The following GUF1 variants were observed in gnomAD, a reference collection of about 807,000 sequenced individuals.
GUF1 encodes translation factor GUF1, mitochondrial.
GUF1 carries 78 observed loss-of-function variants against 82.4 expected under a neutral mutation model. The observed-to-expected ratio is 0.95, with a 90% CI of 0.79 to 1.14. GUF1 has a LOEUF of 1.14. Ranked by LOEUF, GUF1 falls within the 50% of genes most tolerant of loss-of-function variation. The pLI is 0.00. For synonymous variants in GUF1, 279 were observed against 282.3 expected (o/e 0.99, Z 0.12); for missense variants, 814 against 798.2 (o/e 1.02, Z -0.24).
In GUF1 at chr4:44,680,526, T is replaced by C. The variant is rs767954729; in HGVS notation, c.251T>C (p.Leu84Ser). The C allele has an allele frequency of 6.2e-7, 1 of 1,607,998 alleles. No homozygotes were observed. Among genetic ancestry groups the C allele is most frequent in the Admixed American group, 1.7e-5 (1 of 59,720 alleles). Residue 84 changes from leucine (L) to serine (S), a missense_variant, in exon 2 of 17, where the codon TTA (leucine) becomes TCA (serine). Physicochemically the swap from Leu to Ser is moderately radical, Grantham distance 145. Transcript: ENST00000281543. ...VAHVDHGKST[L>S]ADRLLELTGT... ...CACGTGGATCATGGCAAAAGTACTT[T>C]AGCTGACAGGCTCCTAGAACTTACA... is the stretch of plus-strand genomic sequence containing the variant.
rs1402691629 is a variant in GUF1 at position 44,689,397 on chromosome 4, G to T, written c.1190G>T (p.Gly397Val). ...CATCGGGATAGTAGCCTTGCTCTGG[G>T]TGCTGGCTGGAGGTAAGATTCATTC... Reference protein sequence around the residue: ...TVHRDSSLALGAGWRLGFLGL... With the variant: ...TVHRDSSLALVAGWRLGFLGL... Residue 397 changes from glycine (G) to valine (V), a missense_variant, in exon 10 of 17, where the codon GGT becomes GTT. Transcript: ENST00000281543. The T allele has an allele frequency of 6.2e-7, 1 of 1,604,196 alleles. No individual in the cohort carries two copies. Among genetic ancestry groups the T allele is most frequent in the Admixed American group, 1.7e-5 (1 of 58,990 alleles).
chr4:44,695,487 AT>A (rs1438655896), intron 14 of GUF1, 127 bp from the exon 15 acceptor site: 1 of 560,980 alleles, frequency 1.8e-6, no homozygotes, highest in African/African-American at 2.0e-5. Flanking sequence ...AGTAAGAGAG[AT>A]TTATAAGTAA....
chr4:44,680,643 TC>T, intron 2 of GUF1, 50 bp from the exon 3 acceptor site: 1 of 1,437,046 alleles, frequency 7.0e-7, no homozygotes, highest in Non-Finnish European at 9.3e-7. Flanking sequence ...AGTAATATTC[TC>T]TTTTTTTTTT....
intron 12 of GUF1, 79 bp downstream of exon 12, chr4:44,690,939 A>C (rs974583435): frequency 1.9e-6 from 2 of 1,056,784 alleles, no homozygotes; most frequent in Admixed American, 2.5e-5. Context: ...GTTTTAAAAG[A>C]TTTCTTTCTG....
In GUF1 at chr4:44,680,796, A is replaced by AC; in HGVS notation, c.381dup (p.Asn128GlnfsTer3). On this transcript the variant is annotated frameshift_variant, in exon 3 of 17. Coordinates refer to ENST00000281543, the MANE Select transcript of GUF1 (RefSeq NM_021927.3). LOFTEE classifies it high-confidence loss of function. ...AAAGCACAGACAGCATCTCTCTTTT[A>AC]CAATTGTGAAGGAAAGCAGTACCTT... is the stretch of plus-strand genomic sequence containing the variant. The AC allele has an allele frequency of 6.2e-7, 1 of 1,612,522 alleles. No individual in the cohort carries two copies. The highest frequency in any genetic ancestry group is 1.7e-4 in the Middle Eastern group (1 of 6,056).
chr4:44,681,161 T>C lies in GUF1; in HGVS notation c.465T>C (p.Leu155=). The C allele has an allele frequency of 6.2e-7, 1 of 1,613,260 alleles. No individual in the cohort carries two copies. The highest frequency in any genetic ancestry group is 1.7e-4 in the Middle Eastern group (1 of 6,056). ...TTAGTTATGAAGTATCCAGGTCACT[T>C]TCTGCTTGCCAGGGTGTTTTACTTG... ...VDFSYEVSRS[L]SACQGVLLVV... is the part of the protein sequence containing the mutation. The change falls in exon 4 of 17, where the codon CTT becomes CTC. Residue 155 remains leucine (L), a synonymous_variant. Coordinates refer to ENST00000281543, the MANE Select transcript of GUF1 (RefSeq NM_021927.3).
chr4:44,690,433 C>T (rs1479494179), intron 11 of GUF1, among the ~76,000 whole-genome samples: 1 of 151,642 alleles, frequency 6.6e-6, no homozygotes, highest in Non-Finnish European at 1.5e-5. Flanking sequence ...TCATTTTAAA[C>T]AAATACTAAT....
rs775781789 is a variant in GUF1, at chr4:44,690,703, T to C, written c.1336-14T>C. 6.8e-7 allele frequency: 1 copy of C among 1,468,002 alleles called. No individual in the cohort carries two copies. The highest frequency in any genetic ancestry group is 1.3e-5 in the South Asian group (1 of 79,498). The allele number at this position is 1,468,002 out of a possible 1,614,324, so 90.9% of individuals were successfully genotyped here. A position where few individuals can be genotyped will look rare whatever the true frequency, so the allele number is the denominator to read the frequency against. On this transcript the variant is annotated splice_polypyrimidine_tract_variant and intron_variant, in intron 11 of 16. Coordinates refer to ENST00000281543, the MANE Select transcript of GUF1 (RefSeq NM_021927.3). ...ATTAAGATTTTAAGTATTGCTGATT[T>C]TTCTAATTTTTAGGAACATAGAGAA...
chr4:44,693,036 AAT>A (rs1475267605), intron 13 of GUF1, among the ~76,000 whole-genome samples: 1 of 152,034 alleles, frequency 6.6e-6, no homozygotes, highest in Non-Finnish European at 1.5e-5. Flanking sequence ...ACTACATAAA[AAT>A]AAAATATTCC....
rs925229609 is a variant in GUF1, at chr4:44,695,857, G to T, written c.1835+123G>T. 8 of 923,124 alleles carry T rather than the reference G, an allele frequency of 8.7e-6. No homozygotes were observed. In the African/African-American group the frequency reaches 1.2e-4, roughly 14 times the overall value. The allele number at this position is 923,124 out of a possible 1,614,324, so 57.2% of individuals were successfully genotyped here. On this transcript the variant is annotated intron_variant, in intron 15 of 16. Coordinates refer to ENST00000281543, the MANE Select transcript of GUF1 (RefSeq NM_021927.3). ...GCTTTCTTACTTGTAGAAACAGTAT[G>T]ATGGTGCTCTCCAGTTTTCTGATTT...
intron 15 of GUF1, among the ~76,000 whole-genome samples, chr4:44,696,012 C>T (rs1289757737): frequency 2.0e-5 from 3 of 152,064 alleles, no homozygotes; most frequent in Non-Finnish European, 4.4e-5. Flanking sequence ...ACTGAATTTC[C>T]TGGGTAAGGA....
intron 16 of GUF1, among the ~76,000 whole-genome samples, chr4:44,698,100 C>G (rs1430043763): frequency 6.6e-6 from 1 of 152,036 alleles, no homozygotes; most frequent in African/African-American, 2.4e-5. Flanking sequence ...GAGCAGAGAT[C>G]CTGCCATTGT....
At position 44,678,503 on chromosome 4, in the gene GUF1, C is replaced by T. The variant is rs112313750; in HGVS notation, c.-120C>T. On this transcript the variant is annotated 5_prime_UTR_variant, in exon 1 of 17. Transcript: ENST00000281543. ...AGCTCCCCGGGGTTCATTGTCTTCG[C>T]TTCACAGGATCTGTTTGAGTCCTGT... 3.0e-5 allele frequency: 24 copies of T among 806,442 alleles called. No homozygotes were observed. The highest frequency in any genetic ancestry group is 4.2e-5 in the Non-Finnish European group (24 of 571,520). 50.0% of individuals were successfully genotyped at this position (806,442 alleles called of 1,614,324 possible). A position where few individuals can be genotyped will look rare whatever the true frequency, so the allele number is the denominator to read the frequency against.
rs2109624065 is a variant in GUF1, at chr4:44,678,685, G to T, written c.63G>T (p.Gly21=). The stretch of plus-strand genomic sequence containing the variant: ...GCGCTCTCGCGCCACGAGCCACTGG[G>T]GCCGCGCTTCTGGTGGCCCCGGGGC... The part of the protein sequence containing the change: ...CARALAPRAT[G]AALLVAPGPR... Residue 21 remains glycine, a synonymous_variant, in exon 1 of 17, where the codon GGG becomes GGT. Coordinates refer to ENST00000281543, the MANE Select transcript of GUF1 (RefSeq NM_021927.3). 6.7e-7 allele frequency: 1 copy of T among 1,502,470 alleles called. No individual in the cohort carries two copies. The allele number at this position is 1,502,470 out of a possible 1,614,324, so 93.1% of individuals were successfully genotyped here.
At chr4:44,698,509 G>T in intron 16 of GUF1, 35 bp from the exon 17 acceptor site, 3 of 1,533,438 alleles carry the variant, frequency 2.0e-6, no homozygotes, top group South Asian at 2.4e-5. Context: ...TCTTTAGAGT[G>T]ACTTAGACTT....
chr4:44,681,497 T>C (rs1714771222), intron 4 of GUF1, among the ~76,000 whole-genome samples: 1 of 152,124 alleles, frequency 6.6e-6, no homozygotes, highest in African/African-American at 2.4e-5. Context: ...CCACCAACTT[T>C]AGCAGTTCTT....
At position 44,678,438 on chromosome 4, in the gene GUF1, C is replaced by T. The variant is rs1238737089; in HGVS notation, c.-185C>T. 3 of 501,364 alleles carry T rather than the reference C, an allele frequency of 6.0e-6. No individual in the cohort carries two copies. The highest frequency in any genetic ancestry group is 1.0e-5 in the Non-Finnish European group (3 of 300,224). 31.1% of individuals were successfully genotyped at this position (501,364 alleles called of 1,614,324 possible). On this transcript the variant is annotated 5_prime_UTR_variant, in exon 1 of 17. Coordinates refer to ENST00000281543, the MANE Select transcript of GUF1 (RefSeq NM_021927.3). ...GGCGTGCAGACGTCGGCAAGCTGCG[C>T]CGCCGCTTCGGGTTGCTTCCGGATC... is the stretch of plus-strand genomic sequence containing the variant.
intron 16 of GUF1, among the ~76,000 whole-genome samples, chr4:44,697,972 CGCA>C (rs1183631357): frequency 9.2e-5 from 14 of 152,024 alleles, no homozygotes; most frequent in African/African-American, 3.4e-4. Flanking sequence ...ATGGTGAAAC[CGCA>C]GCTTTACTGA....
chr4:44,679,622 G>GT (rs201422120), intron 1 of GUF1, among the ~76,000 whole-genome samples: 430 of 151,936 alleles, frequency 2.8e-3, no homozygotes, highest in African/African-American at 9.7e-3. Context: ...ATCAGAATTA[G>GT]TTTTTTTTCG....
Sources: allele counts gnomAD v4.1 joint callset (sites outside exome capture counted in the v4.1 genomes callset), GRCh38; gene constraint gnomAD v4.1.1; transcripts MANE v1.5; gene names NCBI Gene and HGNC (gene_info 2026-07-23, HGNC 2026-07-21).